The following SALL2 variants were observed in gnomAD, a reference collection of about 807,000 sequenced individuals.
The protein encoded by SALL2 is spalt like transcription factor 2, also known as sal-like protein 2.
In SALL2, 32 loss-of-function variants were observed where a neutral mutation model predicts 58.5. The observed-to-expected ratio is 0.55, with a 90% CI of 0.41 to 0.74. The LOEUF is 0.74. Among genes scored for constraint, SALL2 ranks in the 30% least tolerant of loss-of-function variants. The probability of loss-of-function intolerance (pLI) is 0.00; values close to 1 mark genes in which losing one functional copy is unlikely to be tolerated. For synonymous variants in SALL2, 516 were observed against 513.6 expected (o/e 1.00, Z -0.06); for missense variants, 1,201 against 1,268.9 (o/e 0.95, Z 0.81).
intron 1 of SALL2, among the ~76,000 whole-genome samples, chr14:21,534,537 G>A (rs550140484): frequency 3.3e-5 from 5 of 152,058 alleles, no homozygotes; most frequent in East Asian, 1.9e-4. Context: ...CAAGACAGCC[G>A]CTAAAGATAG....
chr14:21,535,266 A>C (rs1389408653), intron 1 of SALL2, among the ~76,000 whole-genome samples: 1 of 151,528 alleles, frequency 6.6e-6, no homozygotes, highest in African/African-American at 2.4e-5. Context: ...AATGGCGTGA[A>C]CCTGGGAGGT....
At chr14:21,533,566 C>G (rs1183633098) in intron 1 of SALL2, among the ~76,000 whole-genome samples, 1 of 151,344 alleles carries the variant, frequency 6.6e-6, no homozygotes, top group Non-Finnish European at 1.5e-5. Flanking sequence ...GTTCTCTAAT[C>G]CAGATTTCTA....
chr14:21,534,183 A>G (rs1451712705), intron 1 of SALL2, among the ~76,000 whole-genome samples: 1 of 152,234 alleles, frequency 6.6e-6, no homozygotes, highest in African/African-American at 2.4e-5. Flanking sequence ...TTATAAGCTT[A>G]TAAGATCCAG....
At position 21,525,800 on chromosome 14, in the gene SALL2, G is replaced by C; in HGVS notation, c.68-146C>G. 1.1e-6 allele frequency: 1 copy of C among 910,632 alleles called. No individual in the cohort carries two copies. The highest frequency in any genetic ancestry group is 1.6e-6 in the Non-Finnish European group (1 of 625,248). The allele number at this position is 910,632 out of a possible 1,614,324, so 56.4% of individuals were successfully genotyped here. ...GGGCCATGCAGAAGTCTAGAGCTCA[G>C]GCCTGATCCGTGTGGACAGGAGACA... On this transcript the variant is annotated intron_variant, in intron 1 of 1. Transcript: ENST00000537235. This position sits in a 1 kb window ranked among gnomAD's most constrained non-coding sequence, Gnocchi z 4.4.
In SALL2 at chr14:21,524,141, T is replaced by TG. The variant is rs755171367; in HGVS notation, c.1580dup (p.Gly528ArgfsTer3). On this transcript the variant is annotated frameshift_variant, in exon 2 of 2. Coordinates refer to ENST00000537235, the MANE Select transcript of SALL2 (RefSeq NM_001364564.1). LOFTEE classifies it high-confidence loss of function. ...CACTGATGGCTGAGCCCTCACTCCCTGGGGGGGTGTTTTCATCAGCTTTAT... is the reference window on the plus strand; with the variant it reads ...CACTGATGGCTGAGCCCTCACTCCCTGGGGGGGGTGTTTTCATCAGCTTTAT... 1.1e-5 allele frequency: 17 copies of TG among 1,612,592 alleles called. No homozygotes were observed. The highest frequency in any genetic ancestry group is 2.2e-5 in the East Asian group (1 of 44,870).
chr14:21,525,411 A>ACGGAGG lies in SALL2; in HGVS notation c.305_310dup (p.Ser103_Val104insAlaSer). On this transcript the variant is annotated inframe_insertion, in exon 2 of 2. Coordinates refer to ENST00000537235, the MANE Select transcript of SALL2 (RefSeq NM_001364564.1). This position sits in a 1 kb window ranked among gnomAD's most constrained non-coding sequence, Gnocchi z 4.4. ...TGGGCCCCAGGTGGGATCCGTGGGC[A>ACGGAGG]CGGAGGACCCAGAATCTGGGGGGTT... 6.2e-7 allele frequency: 1 copy of ACGGAGG among 1,614,008 alleles called. No homozygotes were observed. The highest frequency in any genetic ancestry group is 8.5e-7 in the Non-Finnish European group (1 of 1,179,964).
At position 21,526,041 on chromosome 14, in the gene SALL2, C is replaced by CCCGA; in HGVS notation, c.67+16_67+19dup. The CCCGA allele has an allele frequency of 6.5e-7, 1 of 1,532,910 alleles. No individual in the cohort carries two copies. Among genetic ancestry groups the CCCGA allele is most frequent in the East Asian group, 2.4e-5 (1 of 40,884 alleles). 95.0% of individuals were successfully genotyped at this position (1,532,910 alleles called of 1,614,324 possible). On this transcript the variant is annotated intron_variant, in intron 1 of 1. Transcript: ENST00000537235. ...CCCCTCCGCCCCCACCCCTGCCCAG[C>CCCGA]CCGACCGACCCTACCGCACCTCCGA... is the stretch of plus-strand genomic sequence containing the variant.
Position 21,525,065 on chromosome 14 carries a change from G to A in SALL2, c.657C>T (p.Ala219=). The A allele has an allele frequency of 6.2e-7, 1 of 1,614,106 alleles. No homozygotes were observed. The part of the protein sequence containing the change: ...GSLGQTVGAP[A]SPSELPGTGT... Reference sequence around the variant, plus strand: ...CTGTCCCAGGTAGCTCTGAGGGACTGGCAGGGGCACCCACCGTCTGGCCTA... The same window carrying A: ...CTGTCCCAGGTAGCTCTGAGGGACTAGCAGGGGCACCCACCGTCTGGCCTA... The change falls in exon 2 of 2, where the codon GCC becomes GCT. Residue 219 remains alanine, a synonymous_variant. Transcript: ENST00000537235. This position sits in a 1 kb window ranked among gnomAD's most constrained non-coding sequence, Gnocchi z 4.4.
chr14:21,529,112 A>G (rs1438196817), upstream of SALL2, among the ~76,000 whole-genome samples: 2 of 152,182 alleles, frequency 1.3e-5, no homozygotes, highest in Admixed American at 6.5e-5. Context: ...GGAACCCTCC[A>G]TTTCTCAGTA....
upstream of SALL2, chr14:21,537,112 A>ACT (rs1007744860): frequency 1.7e-6 from 1 of 575,878 alleles, no homozygotes; most frequent in African/African-American, 1.9e-5. Flanking sequence ...TCTGTTCTTG[A>ACT]CTCTCTCTCT....
chr14:21,527,878 C>T (rs114320937), upstream of SALL2, among the ~76,000 whole-genome samples: 3,064 of 151,242 alleles, frequency 0.02, 125 homozygotes, highest in African/African-American at 0.071. Context: ...AAGCCGGGCG[C>T]GGTGGCTCAC....
At position 21,524,715 on chromosome 14, in the gene SALL2, C is replaced by A; in HGVS notation, c.1007G>T (p.Gly336Val). ...LAAQCLGAAR[G>V]LEATASPGLL... ...CCCTGGGGAGGCAGTGGCCTCAAGG[C>A]CTCGGGCTGCCCCAAGACACTGTGC... is the stretch of plus-strand genomic sequence containing the variant. The change falls in exon 2 of 2, where the codon GGC becomes GTC. Residue 336 changes from glycine (G) to valine (V), a missense_variant. By Grantham distance (109) the Gly-to-Val change is moderately radical. This residue lies in a region of SALL2 where 467 missense variants were observed against 468.9 expected (regional missense o/e 1.00). Coordinates refer to ENST00000537235, the MANE Select transcript of SALL2 (RefSeq NM_001364564.1). 1 of 1,613,354 alleles carries A rather than the reference C, an allele frequency of 6.2e-7. No homozygotes were observed. The highest frequency in any genetic ancestry group is 8.5e-7 in the Non-Finnish European group (1 of 1,179,716).
Position 21,523,113 on chromosome 14 carries a change from C to A in SALL2, c.2609G>T (p.Ser870Ile). ...GGTGAGTGCTGATGCCGGACTTGAGCTTCTCTCCGGTTTGCCCCCCTCTTC... is the reference window on the plus strand; with the variant it reads ...GGTGAGTGCTGATGCCGGACTTGAGATTCTCTCCGGTTTGCCCCCCTCTTC... ...GKEEGGKPER[S>I]SSPASALTPE... The change falls in exon 2 of 2, where the codon AGC (serine) becomes ATC (isoleucine). Residue 870 changes from serine to isoleucine, a missense_variant. By Grantham distance (142) the Ser-to-Ile change is moderately radical. Transcript: ENST00000537235. The surrounding 1 kb of genome is among the most constrained non-coding windows in gnomAD (Gnocchi z 4.4). 1 of 1,614,226 alleles carries A rather than the reference C, an allele frequency of 6.2e-7. No individual in the cohort carries two copies. The highest frequency in any genetic ancestry group is 8.5e-7 in the Non-Finnish European group (1 of 1,180,034).
upstream of SALL2, among the ~76,000 whole-genome samples, chr14:21,528,343 TATC>T (rs1167850629): frequency 2.0e-5 from 3 of 152,238 alleles, no homozygotes; most frequent in African/African-American, 7.2e-5. Flanking sequence ...TATTGGCTAA[TATC>T]AGCAGCATAT....
chr14:21,523,074 G>T lies in SALL2; in HGVS notation c.2648C>A (p.Ala883Asp). The T allele has an allele frequency of 6.2e-7, 1 of 1,614,096 alleles. No individual in the cohort carries two copies. Among genetic ancestry groups the T allele is most frequent in the Non-Finnish European group, 8.5e-7 (1 of 1,180,028 alleles). The change falls in exon 2 of 2, where the codon GCC becomes GAC. Residue 883 changes from alanine (A) to aspartate (D), a missense_variant. This residue lies in a region of SALL2 where 675 missense variants were observed against 683.8 expected (regional missense o/e 0.99). Transcript: ENST00000537235. This position sits in a 1 kb window ranked among gnomAD's most constrained non-coding sequence, Gnocchi z 4.4. ...PASALTPEGE[A>D]TSVTLVEELS... ...CTCCTCTACCAAGGTCACGCTGGTG[G>T]CTTCCCCTTCTGGGGTGAGTGCTGA...
exon 1 of SALL2, chr14:21,536,981 C>T: frequency 6.7e-7 from 1 of 1,497,356 alleles, no homozygotes; most frequent in South Asian, 1.1e-5. Flanking sequence ...ACCGGGGTGA[C>T]CTGGTCTCGT....
chr14:21,522,500 G>A lies in SALL2; in HGVS notation c.*204C>T. The A allele has an allele frequency of 7.2e-7, 1 of 1,388,486 alleles. No individual in the cohort carries two copies. The highest frequency in any genetic ancestry group is 9.3e-7 in the Non-Finnish European group (1 of 1,076,400). 86.0% of individuals were successfully genotyped at this position (1,388,486 alleles called of 1,614,324 possible). On this transcript the variant is annotated 3_prime_UTR_variant, in exon 2 of 2. Coordinates refer to ENST00000537235, the MANE Select transcript of SALL2 (RefSeq NM_001364564.1). ...ATGTTCCTCAGGTACAAAGAATGAG[G>A]AGGGAAGAAAAATTCCTTAGGGGGC...
At position 21,525,407 on chromosome 14, in the gene SALL2, G is replaced by A; in HGVS notation, c.315C>T (p.Pro105=). The A allele has an allele frequency of 6.2e-7, 1 of 1,614,058 alleles. No homozygotes were observed. Among genetic ancestry groups the A allele is most frequent in the Non-Finnish European group, 8.5e-7 (1 of 1,179,968 alleles). ...SNPPDSGSSV[P]TDPTWGPERR... ...TCTCTGGGCCCCAGGTGGGATCCGT[G>A]GGCACGGAGGACCCAGAATCTGGGG... The change falls in exon 2 of 2, where the codon CCC becomes CCT. Residue 105 remains proline, a synonymous_variant. Coordinates refer to ENST00000537235, the MANE Select transcript of SALL2 (RefSeq NM_001364564.1). The surrounding 1 kb of genome is among the most constrained non-coding windows in gnomAD (Gnocchi z 4.4).
Position 21,525,705 on chromosome 14 carries a change from A to G in SALL2, c.68-51T>C, listed in dbSNP as rs746914305. On this transcript the variant is annotated intron_variant, in intron 1 of 1. Coordinates refer to ENST00000537235, the MANE Select transcript of SALL2 (RefSeq NM_001364564.1). This position sits in a 1 kb window ranked among gnomAD's most constrained non-coding sequence, Gnocchi z 4.4. ...CGTGGGTGGCGCAGTTGGGTTGGGT[A>G]TACCGAGGCTCTAATTAACAAGGAG... 1 of 1,520,280 alleles carries G rather than the reference A, an allele frequency of 6.6e-7. No homozygotes were observed. Among genetic ancestry groups the G allele is most frequent in the Admixed American group, 2.2e-5 (1 of 46,090 alleles). The allele number at this position is 1,520,280 out of a possible 1,614,324, so 94.2% of individuals were successfully genotyped here.
Sources: gnomAD v4.1 joint callset for allele counts (sites outside exome capture counted in the v4.1 genomes callset) on GRCh38, gnomAD v4.1.1 for gene constraint, gnomAD v4.1.1 regional missense constraint, Gnocchi (gnomAD v3.1) non-coding constraint, MANE v1.5 for transcripts, NCBI Gene and HGNC (gene_info 2026-07-23, HGNC 2026-07-21) for gene names.